Variants in DPYD observed in about 807,000 individuals in gnomAD.
DPYD encodes dihydropyrimidine dehydrogenase [NADP(+)].
DPYD carries 109 observed loss-of-function variants against 116.2 expected under a neutral mutation model. The observed-to-expected ratio is 0.94, with a 90% confidence interval of 0.80 to 1.10. DPYD has a LOEUF of 1.10. Ranked by LOEUF, DPYD falls within the 50% of genes least tolerant of loss-of-function variation. The pLI is 0.00. For synonymous variants in DPYD, 440 were observed against 432.0 expected (o/e 1.02, Z -0.23); for missense variants, 1,302 against 1,254.5 (o/e 1.04, Z -0.57).
At chr1:97,707,382 C>T (rs906861846) in intron 5 of DPYD, among the ~76,000 whole-genome samples, 2 of 151,700 alleles carry the variant, frequency 1.3e-5, no homozygotes, top group Non-Finnish European at 2.9e-5. Flanking sequence ...CGTGCTGGTG[C>T]GCTGCACCCA....
chr1:97,872,139 C>T (rs2101618672), intron 2 of DPYD, among the ~76,000 whole-genome samples: 1 of 151,962 alleles, frequency 6.6e-6, no homozygotes. Context: ...GACAACTGAG[C>T]TCTTTGGGTT....
At chr1:97,465,741 C>T (rs564375025) in intron 13 of DPYD, among the ~76,000 whole-genome samples, 11 of 152,186 alleles carry the variant, frequency 7.2e-5, no homozygotes, top group Middle Eastern at 3.4e-3. Flanking sequence ...GGCCTAGTCC[C>T]GGGTATGTCT....
chr1:97,789,451 C>A (rs1667207502), intron 3 of DPYD, among the ~76,000 whole-genome samples: 1 of 152,098 alleles, frequency 6.6e-6, no homozygotes, highest in African/African-American at 2.4e-5. Flanking sequence ...CTATTATTTG[C>A]ATGTTTACTA....
chr1:97,580,309 ATAT>A (rs1479045534), intron 10 of DPYD, among the ~76,000 whole-genome samples: 2 of 152,236 alleles, frequency 1.3e-5, no homozygotes, highest in Non-Finnish European at 2.9e-5. Context: ...AAACCTAAAA[ATAT>A]TATTTAGAAG....
chr1:97,657,831 C>T (rs1417405286), intron 8 of DPYD, among the ~76,000 whole-genome samples: 2 of 152,110 alleles, frequency 1.3e-5, no homozygotes, highest in Non-Finnish European at 2.9e-5. Flanking sequence ...CTGGTAGTTT[C>T]TGAAATTCTT....
chr1:97,382,353 G>A (rs1324142939), intron 15 of DPYD, 40 bp downstream of exon 15: 4 of 1,245,124 alleles, frequency 3.2e-6, no homozygotes, highest in Non-Finnish European at 4.5e-6. Flanking sequence ...AAAAATAGGA[G>A]AGAAGAAATA....
At chr1:97,844,507 TA>T (rs1157980328) in intron 2 of DPYD, among the ~76,000 whole-genome samples, 2 of 152,114 alleles carry the variant, frequency 1.3e-5, no homozygotes, top group Non-Finnish European at 2.9e-5. Context: ...GTAACCCTTA[TA>T]AAAACAAAAG....
intron 3 of DPYD, among the ~76,000 whole-genome samples, chr1:97,795,139 T>C (rs1258474184): frequency 2.0e-5 from 3 of 152,088 alleles, no homozygotes; most frequent in African/African-American, 7.2e-5. Context: ...AAGTCATACT[T>C]CTTTATGTAA....
chr1:97,397,684 C>A (rs1335808595), intron 14 of DPYD, among the ~76,000 whole-genome samples: 1 of 152,050 alleles, frequency 6.6e-6, no homozygotes, highest in African/African-American at 2.4e-5. Context: ...TCCATGTTTT[C>A]ATGGCTTGAT....
At chr1:97,514,159 G>A (rs2101970348) in intron 13 of DPYD, 1 of 974,184 alleles carries the variant, frequency 1.0e-6, no homozygotes, top group East Asian at 1.1e-4. Flanking sequence ...TGGAGGTTTA[G>A]AAGGAAGTTA....
At chr1:97,127,853 G>C (rs1652967415) in intron 20 of DPYD, among the ~76,000 whole-genome samples, 1 of 152,066 alleles carries the variant, frequency 6.6e-6, no homozygotes, top group East Asian at 1.9e-4. Flanking sequence ...GCATCTTCTT[G>C]GATTATGGGA....
At chr1:97,756,095 T>A (rs1571307149) in intron 3 of DPYD, among the ~76,000 whole-genome samples, 1 of 152,102 alleles carries the variant, frequency 6.6e-6, no homozygotes, top group East Asian at 1.9e-4. Context: ...GAAAACATGA[T>A]GAAAAATGTC....
chr1:97,218,868 C>T (rs1405620396), intron 19 of DPYD, among the ~76,000 whole-genome samples: 1 of 151,906 alleles, frequency 6.6e-6, no homozygotes, highest in Non-Finnish European at 1.5e-5. Flanking sequence ...CCTATATAAA[C>T]ATGAGTGTAG....
chr1:97,390,200 A>G (rs1672618455), intron 14 of DPYD, among the ~76,000 whole-genome samples: 1 of 152,068 alleles, frequency 6.6e-6, no homozygotes, highest in Non-Finnish European at 1.5e-5. Context: ...TACATAGGAA[A>G]TCCAGTCAAC....
chr1:97,604,711 A>T (rs1167427762), intron 8 of DPYD, among the ~76,000 whole-genome samples: 1 of 152,046 alleles, frequency 6.6e-6, no homozygotes, highest in Non-Finnish European at 1.5e-5. Flanking sequence ...CTTTTCTAGG[A>T]ATTCAGAAAA....
At chr1:97,435,507 T>C (rs1049145595) in intron 14 of DPYD, among the ~76,000 whole-genome samples, 72 of 151,966 alleles carry the variant, frequency 4.7e-4, no homozygotes, top group African/African-American at 1.6e-3. Context: ...AGTAGTCCTG[T>C]GTCTCTCATG....
intron 10 of DPYD, among the ~76,000 whole-genome samples, chr1:97,579,015 TCTCAACA>T (rs1371887170): frequency 6.6e-6 from 1 of 152,224 alleles, no homozygotes; most frequent in East Asian, 1.9e-4. Context: ...GTAAACTCGT[TCTCAACA>T]CTCTTTAGAG....
At chr1:97,877,555 T>A (rs1671988512) in intron 2 of DPYD, among the ~76,000 whole-genome samples, 1 of 151,990 alleles carries the variant, frequency 6.6e-6, no homozygotes, top group Non-Finnish European at 1.5e-5. Flanking sequence ...CTGAAAGAGG[T>A]ATTTAGTTGC....
At chr1:97,261,098 T>G (rs1338826421) in intron 18 of DPYD, among the ~76,000 whole-genome samples, 5 of 152,162 alleles carry the variant, frequency 3.3e-5, no homozygotes, top group Non-Finnish European at 5.9e-5. Flanking sequence ...AAATAGTTGC[T>G]GGATTGTGAA....
Sources: allele counts gnomAD v4.1 joint callset (sites outside exome capture counted in the v4.1 genomes callset), GRCh38; gene constraint gnomAD v4.1.1; transcripts MANE v1.5; gene names NCBI Gene and HGNC (gene_info 2026-07-23, HGNC 2026-07-21).